CPNE2: variants seen among roughly 807,000 people sequenced by gnomAD.
CPNE2 encodes the protein copine 2, also known as copine-2.
CPNE2 carries 42 observed loss-of-function variants against 69.7 expected under a neutral mutation model. The ratio of observed to expected loss-of-function variants is 0.60; its 90% CI spans 0.47 to 0.78. The LOEUF is 0.78. Among genes scored for constraint, CPNE2 ranks in the 30% least tolerant of loss-of-function variants. The probability of loss-of-function intolerance (pLI) is 0.00; values close to 1 mark genes in which losing one functional copy is unlikely to be tolerated. For synonymous variants in CPNE2, 294 were observed against 289.8 expected, an observed-to-expected ratio of 1.01 and a Z score of -0.15; for missense variants, 587 against 732.0, an observed-to-expected ratio of 0.80 and a Z score of 2.29.
At chr16:57,129,685 G>A (rs1383977225) in intron 12 of CPNE2, among the ~76,000 whole-genome samples, 1 of 152,248 alleles carries the variant, frequency 6.6e-6, no homozygotes, top group Non-Finnish European at 1.5e-5. Flanking sequence ...CCAGCGTGGT[G>A]GCACATGCCT....
chr16:57,104,626 G>A (rs2069637100), intron 1 of CPNE2, among the ~76,000 whole-genome samples: 1 of 152,208 alleles, frequency 6.6e-6, no homozygotes, highest in Admixed American at 6.5e-5. Flanking sequence ...AGGTGCTGGG[G>A]AAACAGTGAT....
chr16:57,139,435 G>A (rs2069905847), intron 14 of CPNE2, among the ~76,000 whole-genome samples: 3 of 152,190 alleles, frequency 2.0e-5, no homozygotes. Flanking sequence ...GAGGCTGCAT[G>A]ACTCCTAAAC....
Position 57,117,476 on chromosome 16 carries a change from C to G in CPNE2, c.436-20C>G. ...GAGGCTGGGGGAGTCTGAGGAGCCC[C>G]TCATGTCCCGGCCTTACAGATCGCT... is the stretch of plus-strand genomic sequence containing the variant. On this transcript the variant is annotated intron_variant, in intron 4 of 15. Coordinates refer to ENST00000290776, the MANE Select transcript of CPNE2 (RefSeq NM_152727.6). 1 of 1,610,346 alleles carries G rather than the reference C, an allele frequency of 6.2e-7. No homozygotes were observed.
At chr16:57,127,229 G>A (rs1567670741) in intron 11 of CPNE2, among the ~76,000 whole-genome samples, 1 of 152,220 alleles carries the variant, frequency 6.6e-6, no homozygotes. Flanking sequence ...GGCCTTAGAG[G>A]ATGAGTAGGA....
At chr16:57,119,723 G>A in intron 7 of CPNE2, 73 bp downstream of exon 7, 2 of 1,035,842 alleles carry the variant, frequency 1.9e-6, no homozygotes, top group Non-Finnish European at 2.8e-6. Flanking sequence ...GGCTCCCGGG[G>A]ATGCCTTGTA....
At chr16:57,129,696 G>A (rs2069824462) in intron 12 of CPNE2, among the ~76,000 whole-genome samples, 1 of 152,246 alleles carries the variant, frequency 6.6e-6, no homozygotes, top group Admixed American at 6.5e-5. Context: ...GCACATGCCT[G>A]TAATCCCAGC....
At position 57,146,423 on chromosome 16, in the gene CPNE2, A is replaced by G. The variant is rs1246044311; in HGVS notation, c.1539+102A>G. 1.0e-6 allele frequency: 1 copy of G among 986,538 alleles called. No homozygotes were observed. Among genetic ancestry groups the G allele is most frequent in the Admixed American group, 2.4e-5 (1 of 41,648 alleles). 61.1% of individuals were successfully genotyped at this position (986,538 alleles called of 1,614,324 possible). A position where few individuals can be genotyped will look rare whatever the true frequency, so the allele number is the denominator to read the frequency against. On this transcript the variant is annotated intron_variant, in intron 15 of 15. Coordinates refer to ENST00000290776, the MANE Select transcript of CPNE2 (RefSeq NM_152727.6). The surrounding 1 kb of genome is among the most constrained non-coding windows in gnomAD (Gnocchi z 4.4). ...TTGGGGTTGTCTGGCCCAATCCTAG[A>G]CTTCTCCACTCCATTGACTATGCTC...
chr16:57,125,684 T>G (rs887670227), intron 10 of CPNE2, 176 bp from the exon 11 acceptor site: 4 of 731,236 alleles, frequency 5.5e-6, no homozygotes, highest in Non-Finnish European at 8.7e-6. Flanking sequence ...CAGATGGCAT[T>G]AGAGCAGAGG....
chr16:57,117,698 C>T, intron 5 of CPNE2, 131 bp downstream of exon 5: 1 of 928,328 alleles, frequency 1.1e-6, no homozygotes, highest in South Asian at 1.5e-5. Flanking sequence ...GCACGGGGCC[C>T]TCCTGGCCAC....
At chr16:57,124,810 G>A in intron 10 of CPNE2, 1 of 217,374 alleles carries the variant, frequency 4.6e-6, no homozygotes, top group South Asian at 6.5e-5. Flanking sequence ...CAGAGGATTG[G>A]CCTTGCTGAC....
At chr16:57,115,582 C>T in intron 4 of CPNE2, 32 bp downstream of exon 4, 3 of 1,519,474 alleles carry the variant, frequency 2.0e-6, no homozygotes, top group East Asian at 2.3e-5. Flanking sequence ...TCCGCACCCC[C>T]TCCATCCCCA....
intron 14 of CPNE2, chr16:57,144,157 G>A: frequency 6.6e-6 from 1 of 152,414 alleles, no homozygotes; most frequent in Non-Finnish European, 1.5e-5. Context: ...GGGATGGGGG[G>A]CTGGCAACAG....
chr16:57,109,347 G>A (rs1305926679), intron 1 of CPNE2, among the ~76,000 whole-genome samples: 3 of 151,894 alleles, frequency 2.0e-5, no homozygotes, highest in Admixed American at 2.0e-4. Flanking sequence ...GTGGTTGTGG[G>A]TGCCTGTAGT....
chr16:57,116,925 G>T (rs1171504380), intron 4 of CPNE2, among the ~76,000 whole-genome samples: 2 of 152,196 alleles, frequency 1.3e-5, no homozygotes, highest in Non-Finnish European at 2.9e-5. Flanking sequence ...CCTACAGGGG[G>T]CCTCAGCAGT....
intron 12 of CPNE2, among the ~76,000 whole-genome samples, chr16:57,128,370 C>A (rs1396850145): frequency 2.0e-5 from 3 of 152,134 alleles, no homozygotes; most frequent in Non-Finnish European, 4.4e-5. Context: ...GCTGGGATTA[C>A]AGGTGCCCAC....
In CPNE2 at chr16:57,122,363, G is replaced by T. The variant is rs9940758; in HGVS notation, c.867+603G>T. Among the ~76,000 whole-genome samples the T allele has an allele frequency of 3.4e-3, 513 of 152,328 alleles. 3 individuals carry two copies. Among genetic ancestry groups the T allele is most frequent in the African/African-American group, 0.012 (489 of 41,566 alleles). On this transcript the variant is annotated intron_variant, in intron 9 of 15. Coordinates refer to ENST00000290776, the MANE Select transcript of CPNE2 (RefSeq NM_152727.6). ...TCTGGCCGCTGCTCTCCACCAGCAG[G>T]TGGATCCCAGACTCCCACCTTATTT...
At chr16:57,125,589 A>C (rs370125913) in intron 10 of CPNE2, 22 of 494,558 alleles carry the variant, frequency 4.4e-5, no homozygotes, top group South Asian at 2.7e-4. Context: ...GATAGTAAGG[A>C]GAAAAAGGAA....
chr16:57,119,832 T>C (rs1264006385), intron 7 of CPNE2, among the ~76,000 whole-genome samples, 182 bp downstream of exon 7: 17 of 152,192 alleles, frequency 1.1e-4, no homozygotes, highest in African/African-American at 4.1e-4. Context: ...TGCCCTGAAG[T>C]ACCCGGGCAG....
chr16:57,094,987 C>G (rs2069569441), intron 1 of CPNE2, among the ~76,000 whole-genome samples: 1 of 152,204 alleles, frequency 6.6e-6, no homozygotes, highest in Admixed American at 6.5e-5. Flanking sequence ...CTGAGAAGCC[C>G]TCAGCTCAGG....
Sources: gnomAD v4.1 joint callset for allele counts (sites outside exome capture counted in the v4.1 genomes callset) on GRCh38, gnomAD v4.1.1 for gene constraint, Gnocchi (gnomAD v3.1) non-coding constraint, MANE v1.5 for transcripts, NCBI Gene and HGNC (gene_info 2026-07-23, HGNC 2026-07-21) for gene names.